ANKRD30A: variants seen among roughly 807,000 people sequenced by gnomAD.
The protein encoded by ANKRD30A is ankyrin repeat domain 30A, also known as ankyrin repeat domain-containing protein 30A.
In ANKRD30A, 170 loss-of-function variants were observed where a neutral mutation model predicts 166.3. The observed-to-expected ratio is 1.02, with a 90% CI of 0.90 to 1.16. ANKRD30A has a LOEUF of 1.16. Among genes scored for constraint, ANKRD30A ranks in the 50% most tolerant of loss-of-function variants. The pLI, the probability that ANKRD30A is intolerant of heterozygous loss-of-function variation, is 0.00. For synonymous variants in ANKRD30A, 564 were observed against 508.9 expected (o/e 1.11, Z -1.46); for missense variants, 1,630 against 1,518.0 (o/e 1.07, Z -1.23).
At chr10:37,252,536 C>T in the ANKRD30A span, among the ~76,000 whole-genome samples, 7 of 152,164 alleles carry the variant, frequency 4.6e-5, no homozygotes, top group African/African-American at 1.7e-4. Context: ...CCATAATTCT[C>T]TCCTGGAAAT....
chr10:37,167,595 A>G lies in ANKRD30A; in HGVS notation c.2155+900A>G, dbSNP rs973270600. ...ATCTGATGCAACTAAATTTAAATGA[A>G]ATACATCAATATTGAAAGCTTATTA... is the stretch of plus-strand genomic sequence containing the variant. On this transcript the variant is annotated intron_variant, in intron 19 of 35. Transcript: ENST00000361713. 2.0e-4 allele frequency among the ~76,000 whole-genome samples: 31 copies of G among 151,952 alleles called. 1 individual carries two copies. The highest frequency in any genetic ancestry group is 7.5e-4 in the African/African-American group (31 of 41,298).
Position 37,221,948 on chromosome 10 carries a change from A to T in ANKRD30A, c.4185+2051A>T, listed in dbSNP as rs569823252. 5.6e-4 allele frequency among the ~76,000 whole-genome samples: 85 copies of T among 151,512 alleles called. 3 individuals are homozygous for T. The South Asian group carries it at 0.016, about 28-fold the overall frequency. On this transcript the variant is annotated intron_variant, in intron 34 of 35. Transcript: ENST00000361713. The stretch of plus-strand genomic sequence containing the variant: ...TAATATACACAGTATTAGAATAGCT[A>T]GGCAATTCTTTTATTTTTTGTTTTT...
At chr10:37,161,263 G>A (rs1012625639) in intron 15 of ANKRD30A, among the ~76,000 whole-genome samples, 61 of 152,120 alleles carry the variant, frequency 4.0e-4, no homozygotes, top group Non-Finnish European at 5.6e-4. Flanking sequence ...AACATGGTCA[G>A]GAGAATGCAT....
the ANKRD30A span, among the ~76,000 whole-genome samples, chr10:37,254,518 C>CA: frequency 6.0e-5 from 9 of 150,668 alleles, no homozygotes; most frequent in Non-Finnish European, 1.2e-4. Flanking sequence ...ATCTTCTTTA[C>CA]AAAAAAGCCT....
In ANKRD30A at chr10:37,193,079, A is replaced by T; in HGVS notation, c.2528A>T (p.Asp843Val). 1 of 1,609,856 alleles carries T rather than the reference A, an allele frequency of 6.2e-7. No individual in the cohort carries two copies. The highest frequency in any genetic ancestry group is 8.5e-7 in the Non-Finnish European group (1 of 1,177,094). Residue 843 changes from aspartate to valine, a missense_variant, in exon 26 of 36, where the codon GAT (aspartate) becomes GTT (valine). Coordinates refer to ENST00000361713, the MANE Select transcript of ANKRD30A (RefSeq NM_052997.3). ...NGKLEESPDN[D>V]GFLKAPCRMK... ...TTTCTTTTAGAGTCTCCTGATAATG[A>T]TGGTTTTCTGAAGGTAATAACTTTT...
At chr10:37,228,862 A>G (rs569995086) in intron 34 of ANKRD30A, among the ~76,000 whole-genome samples, 2 of 152,084 alleles carry the variant, frequency 1.3e-5, no homozygotes, top group South Asian at 4.1e-4. Flanking sequence ...TTTAAATCAA[A>G]TTTTCTTTTT....
At chr10:37,139,004 C>A (rs1166141066) in intron 6 of ANKRD30A, among the ~76,000 whole-genome samples, 1 of 152,150 alleles carries the variant, frequency 6.6e-6, no homozygotes, top group Non-Finnish European at 1.5e-5. Context: ...CAAAGGGAAG[C>A]CCATCAGACT....
the ANKRD30A span, among the ~76,000 whole-genome samples, chr10:37,242,314 C>G: frequency 1.3e-5 from 2 of 152,142 alleles, no homozygotes; most frequent in Non-Finnish European, 2.9e-5. Flanking sequence ...TTATTGCATC[C>G]TATCATTGGA....
At chr10:37,151,313 G>T (rs945395240) in intron 11 of ANKRD30A, among the ~76,000 whole-genome samples, 1 of 152,006 alleles carries the variant, frequency 6.6e-6, no homozygotes, top group Non-Finnish European at 1.5e-5. Context: ...AGTGGGCCTT[G>T]ATTTTATCCT....
At position 37,149,678 on chromosome 10, in the gene ANKRD30A, A is replaced by G. The variant is rs1029888297; in HGVS notation, c.1571A>G (p.Lys524Arg). The G allele has an allele frequency of 1.4e-5, 22 of 1,612,448 alleles. No individual in the cohort carries two copies. Among genetic ancestry groups the G allele is most frequent in the Non-Finnish European group, 1.7e-5 (20 of 1,178,936 alleles). Residue 524 changes from lysine (K) to arginine (R), a missense_variant and splice_region_variant, in exon 10 of 36, where the codon AAG becomes AGG. Transcript: ENST00000361713. ...CCTCCTAAGAAGCCATCTGCCTTCAAGGTATTTAGTTTTATTATTTCATTT... is the reference window on the plus strand; with the variant it reads ...CCTCCTAAGAAGCCATCTGCCTTCAGGGTATTTAGTTTTATTATTTCATTT... ...EEPPKKPSAF[K>R]PAIEMQNSVP...
intron 34 of ANKRD30A, 37 bp downstream of exon 34, chr10:37,219,934 C>T: frequency 7.2e-7 from 1 of 1,379,826 alleles, no homozygotes; most frequent in Non-Finnish European, 9.4e-7. Context: ...GTCAAACTTC[C>T]TGAAAGAAAG....
At chr10:37,223,071 G>A (rs929680382) in intron 34 of ANKRD30A, among the ~76,000 whole-genome samples, 14 of 151,136 alleles carry the variant, frequency 9.3e-5, no homozygotes, top group African/African-American at 3.4e-4. Flanking sequence ...CTCTAATAGA[G>A]GACAATTGTT....
At chr10:37,239,450 C>G in the ANKRD30A span, among the ~76,000 whole-genome samples, 3 of 152,206 alleles carry the variant, frequency 2.0e-5, no homozygotes, top group East Asian at 5.8e-4. Flanking sequence ...GTGAGTACCA[C>G]TTTCTTCGTG....
chr10:37,149,189 A>G (rs543211278), intron 9 of ANKRD30A, among the ~76,000 whole-genome samples: 11 of 152,166 alleles, frequency 7.2e-5, no homozygotes, highest in African/African-American at 2.6e-4. Flanking sequence ...AACTAAGTAT[A>G]TATCCAAGCT....
intron 31 of ANKRD30A, among the ~76,000 whole-genome samples, chr10:37,201,757 T>G (rs1034220733): frequency 1.3e-5 from 2 of 151,994 alleles, no homozygotes; most frequent in Middle Eastern, 3.2e-3. Context: ...GTACCAAAAT[T>G]TACCAGAGAA....
the ANKRD30A span, chr10:37,248,367 A>C: frequency 3.1e-6 from 1 of 324,686 alleles, no homozygotes; most frequent in Non-Finnish European, 6.2e-6. Flanking sequence ...TGAGACCGTG[A>C]CTCCCATCCC....
chr10:37,257,745 C>T, the ANKRD30A span, among the ~76,000 whole-genome samples: 5 of 151,968 alleles, frequency 3.3e-5, no homozygotes, highest in African/African-American at 9.7e-5. Context: ...CTAATTTGTA[C>T]ATATACAAAT....
At chr10:37,172,663 C>T (rs1839675147) in intron 21 of ANKRD30A, among the ~76,000 whole-genome samples, 1 of 129,586 alleles carries the variant, frequency 7.7e-6, no homozygotes, top group African/African-American at 2.9e-5. Context: ...GAACTCACTT[C>T]AGATGCATGT....
At chr10:37,193,916 C>G (rs912913672) in intron 27 of ANKRD30A, among the ~76,000 whole-genome samples, 1 of 152,102 alleles carries the variant, frequency 6.6e-6, no homozygotes, top group Non-Finnish European at 1.5e-5. Flanking sequence ...TACAATAGGC[C>G]GTGCACGGTG....
Sources: allele counts gnomAD v4.1 joint callset (sites outside exome capture counted in the v4.1 genomes callset), GRCh38; gene constraint gnomAD v4.1.1; transcripts MANE v1.5; gene names NCBI Gene and HGNC (gene_info 2026-07-23, HGNC 2026-07-21).